CCDC194: variants seen among roughly 807,000 people sequenced by gnomAD.
The protein encoded by CCDC194 is coiled-coil domain containing 194.
CCDC194 carries 8 observed loss-of-function variants against 4.9 expected under a neutral mutation model. That is an observed-to-expected ratio of 1.65 (90% CI 0.97 to 2.97). The LOEUF is 2.97. Among genes scored for constraint, CCDC194 ranks in the 30% most tolerant of loss-of-function variants. The probability of loss-of-function intolerance (pLI) is 0.00; values close to 1 mark genes in which losing one functional copy is unlikely to be tolerated. For missense variants in CCDC194, 52 were observed against 43.1 expected (o/e 1.21, Z -0.58); for synonymous variants, 13 against 17.0 (o/e 0.76, Z 0.58).
chr19:17,387,440 G>A (rs1010397134), downstream of CCDC194, among the ~76,000 whole-genome samples: 1 of 151,980 alleles, frequency 6.6e-6, no homozygotes, highest in Non-Finnish European at 1.5e-5. Flanking sequence ...AACGGGGGCC[G>A]GGCACAGCGG....
chr19:17,388,041 C>G (rs1196118530), downstream of CCDC194, among the ~76,000 whole-genome samples: 1 of 151,848 alleles, frequency 6.6e-6, no homozygotes, highest in Non-Finnish European at 1.5e-5. Context: ...TGCCCACCAC[C>G]ATGCCCGGCT....
rs573780280 is a variant in CCDC194, at chr19:17,392,183, A to G, written c.325-337T>C. ...GACTAGCTGATGGGATTTCAAACCA[A>G]CAAAGTTAGCCGGGCGTCGTGGCTC... On this transcript the variant is annotated intron_variant, in intron 1 of 3. Transcript: ENST00000636079. 5.7e-4 allele frequency: 113 copies of G among 199,344 alleles called. 1 individual carries two copies. The South Asian group carries it at 0.017, about 30-fold the overall frequency. The allele number at this position is 199,344 out of a possible 1,614,324, so 12.3% of individuals were successfully genotyped here. A position where few individuals can be genotyped will look rare whatever the true frequency, so the allele number is the denominator to read the frequency against.
chr19:17,393,923 C>G (rs2074664406), exon 1 of CCDC194: 1 of 396,960 alleles, frequency 2.5e-6, no homozygotes. Context: ...GGCCTCCTCC[C>G]GCTCGGCAGC....
exon 2 of CCDC194, chr19:17,391,754 C>T (rs1221043590): frequency 1.2e-5 from 19 of 1,535,624 alleles, no homozygotes; most frequent in African/African-American, 1.4e-5. Context: ...ACGCACCTGT[C>T]AGCGCCCCGT....
chr19:17,392,032 G>T, intron 1 of CCDC194, 186 bp from the exon 2 acceptor site: 1 of 530,298 alleles, frequency 1.9e-6, no homozygotes, highest in South Asian at 3.3e-5. Context: ...GGCACCGAGT[G>T]GTGACAGCTG....
downstream of CCDC194, among the ~76,000 whole-genome samples, chr19:17,388,819 T>A (rs937040243): frequency 7.2e-5 from 11 of 151,934 alleles, no homozygotes; most frequent in African/African-American, 2.7e-4. Flanking sequence ...TCTTAATAAT[T>A]TTTTTATAGC....
intron 1 of CCDC194, among the ~76,000 whole-genome samples, chr19:17,392,752 T>C (rs2074659598): frequency 6.6e-6 from 1 of 152,140 alleles, no homozygotes; most frequent in Non-Finnish European, 1.5e-5. Context: ...TGAGATGGGG[T>C]CTTGCTCTGT....
downstream of CCDC194, among the ~76,000 whole-genome samples, chr19:17,387,714 A>G (rs1236310615): frequency 6.6e-6 from 1 of 151,966 alleles, no homozygotes. Context: ...GCAAGACTCT[A>G]TCTCAAAAAG....
At chr19:17,393,376 CTTT>C (rs551933814) in intron 1 of CCDC194, among the ~76,000 whole-genome samples, 72 of 115,390 alleles carry the variant, frequency 6.2e-4, no homozygotes, top group African/African-American at 2.8e-3. Context: ...GACAGTGAGA[CTTT>C]TTTTTTTTTT....
chr19:17,390,406 T>C (rs2145736456), downstream of CCDC194: 1 of 383,568 alleles, frequency 2.6e-6, no homozygotes, highest in Non-Finnish European at 4.6e-6. The surrounding 1 kb of genome is among the most constrained non-coding windows in gnomAD (Gnocchi z 5.5). Context: ...GGTCTAAAGC[T>C]GAGTGTCGCA....
chr19:17,391,961 G>C (rs2074656492), intron 1 of CCDC194, 115 bp from the exon 2 acceptor site: 1 of 986,892 alleles, frequency 1.0e-6, no homozygotes, highest in African/African-American at 1.7e-5. Context: ...CCTGAGCTTT[G>C]TGTGGAATGT....
chr19:17,391,466 G>A (rs2074654532), intron 2 of CCDC194, 123 bp from the exon 3 acceptor site: 4 of 625,172 alleles, frequency 6.4e-6, no homozygotes, highest in South Asian at 6.1e-5. Flanking sequence ...AATTAAATTA[G>A]TGTGTACCAT....
intron 1 of CCDC194, among the ~76,000 whole-genome samples, chr19:17,393,054 G>T (rs1434537968): frequency 2.6e-5 from 4 of 152,142 alleles, no homozygotes; most frequent in Non-Finnish European, 5.9e-5. Flanking sequence ...AATGGGGGGT[G>T]TGCACAGAGG....
chr19:17,389,440 T>C (rs1281824730), downstream of CCDC194, among the ~76,000 whole-genome samples: 2 of 152,198 alleles, frequency 1.3e-5, no homozygotes, highest in African/African-American at 4.8e-5. Context: ...CTACAGATTC[T>C]CTTCCTTTTA....
chr19:17,388,970 C>G (rs1019144614), downstream of CCDC194, among the ~76,000 whole-genome samples: 5 of 152,002 alleles, frequency 3.3e-5, no homozygotes, highest in Admixed American at 3.3e-4. Flanking sequence ...TCCCAAGTAG[C>G]TGGGGCTACA....
chr19:17,388,384 TTTTCTTTTTTGTC>T (rs1308517407), downstream of CCDC194, among the ~76,000 whole-genome samples: 1 of 150,566 alleles, frequency 6.6e-6, no homozygotes, highest in East Asian at 2.0e-4. Flanking sequence ...TCTTTCTTTC[TTTTCTTTTTTGTC>T]TTTCTTTTTT....
At chr19:17,393,868 C>G (rs1268072412) in exon 1 of CCDC194, 1 of 397,770 alleles carries the variant, frequency 2.5e-6, no homozygotes, top group Non-Finnish European at 4.4e-6. Context: ...ATGCCTTCTC[C>G]AACTCGTGCC....
intron 1 of CCDC194, 94 bp from the exon 2 acceptor site, chr19:17,391,940 C>T (rs1377459519): frequency 3.5e-6 from 4 of 1,158,152 alleles, no homozygotes; most frequent in African/African-American, 1.6e-5. Context: ...AAGCCACCTG[C>T]GACCCTGTGT....
At chr19:17,393,776 G>T in intron 1 of CCDC194, 59 bp downstream of exon 1, 1 of 392,846 alleles carries the variant, frequency 2.5e-6, no homozygotes, top group Non-Finnish European at 4.5e-6. Flanking sequence ...GTGTGGGCAG[G>T]CCGTCTCTTA....
Sources: gnomAD v4.1 joint callset for allele counts (sites outside exome capture counted in the v4.1 genomes callset) on GRCh38, gnomAD v4.1.1 for gene constraint, Gnocchi (gnomAD v3.1) non-coding constraint, MANE v1.5 for transcripts, NCBI Gene and HGNC (gene_info 2026-07-23, HGNC 2026-07-21) for gene names.